GTPBP1: variants seen among roughly 807,000 people sequenced by gnomAD.
GTPBP1 encodes the protein GTP binding protein 1.
Under a neutral mutation model 62.0 loss-of-function variants are expected in GTPBP1, and 23 were observed. The observed-to-expected ratio is 0.37, with a 90% CI of 0.27 to 0.53. The LOEUF (loss-of-function observed/expected upper bound fraction) is 0.53, where lower values mean the gene tolerates loss of function less well. Ranked by LOEUF, GTPBP1 falls within the 20% of genes least tolerant of loss-of-function variation. The pLI is 0.89. For missense variants in GTPBP1, 640 were observed against 917.3 expected (o/e 0.70, Z 3.90); for synonymous variants, 344 against 364.4 (o/e 0.94, Z 0.64).
chr22:38,724,252 G>C, intron 5 of GTPBP1, 45 bp from the exon 6 acceptor site: 1 of 1,158,520 alleles, frequency 8.6e-7, no homozygotes, highest in African/African-American at 1.5e-5. Flanking sequence ...CCTGGCCAAA[G>C]AGAAGGCTGT....
downstream of GTPBP1, chr22:38,740,980 C>T: frequency 1.3e-6 from 2 of 1,578,564 alleles, no homozygotes; most frequent in Non-Finnish European, 1.7e-6. This position sits in a 1 kb window ranked among gnomAD's most constrained non-coding sequence, Gnocchi z 4.8. Context: ...GAGGAGCAGG[C>T]CGAGGCCAGC....
Position 38,716,815 on chromosome 22 carries a change from G to T in GTPBP1, c.649G>T (p.Gly217Cys). 6.2e-7 allele frequency: 1 copy of T among 1,614,204 alleles called. No individual in the cohort carries two copies. The highest frequency in any genetic ancestry group is 8.5e-7 in the Non-Finnish European group (1 of 1,180,038). Residue 217 changes from glycine (G) to cysteine (C), a missense_variant, in exon 4 of 12, where the codon GGC becomes TGC. Physicochemically the swap from Gly to Cys is radical, Grantham distance 159 (BLOSUM62 -3). Around this residue, in one of 4 missense-constraint regions of GTPBP1, gnomAD observed 88 missense variants for 217.0 expected, o/e 0.41. Transcript: ENST00000216044. This position sits in a 1 kb window ranked among gnomAD's most constrained non-coding sequence, Gnocchi z 5.2. ...CAGCAGTGTGGGCAACGACATTCTG[G>T]GCTTTGACAGTGAAGGCAATGTAGT... is the stretch of plus-strand genomic sequence containing the variant. ...RTSSVGNDIL[G>C]FDSEGNVVNK...
Position 38,723,516 on chromosome 22 carries a change from G to A in GTPBP1, c.959-781G>A, listed in dbSNP as rs746682453. On this transcript the variant is annotated intron_variant, in intron 5 of 11. Coordinates refer to ENST00000216044, the MANE Select transcript of GTPBP1 (RefSeq NM_004286.5). ...ACAGCAGCTACCATCTTCAGTGCACGCGGGCGAAACTTCCTTTGTCTTGTA... is the reference window on the plus strand; with the variant it reads ...ACAGCAGCTACCATCTTCAGTGCACACGGGCGAAACTTCCTTTGTCTTGTA... 8.0e-5 allele frequency: 54 copies of A among 672,728 alleles called. 1 individual carries two copies. The highest frequency in any genetic ancestry group is 4.5e-4 in the South Asian group (26 of 57,780). 41.7% of individuals were successfully genotyped at this position (672,728 alleles called of 1,614,324 possible).
At chr22:38,733,985 G>A (rs539575872), downstream of GTPBP1, among the ~76,000 whole-genome samples, 1 of 152,336 alleles carries the variant, frequency 6.6e-6, no homozygotes, top group African/African-American at 2.4e-5. Context: ...CAGAGGCAGA[G>A]CAGGTGTCAG....
intron 5 of GTPBP1, chr22:38,722,622 A>G (rs2092706285): frequency 2.3e-6 from 3 of 1,296,072 alleles, no homozygotes; most frequent in African/African-American, 1.5e-5. Context: ...AGTAATATTT[A>G]TGAGTACAAG....
downstream of GTPBP1, chr22:38,738,755 C>T: frequency 6.2e-7 from 1 of 1,612,938 alleles, no homozygotes; most frequent in Non-Finnish European, 8.5e-7. The surrounding 1 kb of genome is among the most constrained non-coding windows in gnomAD (Gnocchi z 6.6). Context: ...GCACATCTGG[C>T]TGGAGGAGCA....
downstream of GTPBP1, among the ~76,000 whole-genome samples, chr22:38,736,956 A>T (rs1421199997): frequency 6.6e-6 from 1 of 152,056 alleles, no homozygotes; most frequent in Non-Finnish European, 1.5e-5. Context: ...GGATCCTCCC[A>T]CCTTAGCCTC....
rs1569287384 is a variant in GTPBP1 at position 38,731,015 on chromosome 22, TGTGTGTGTG to T, written c.*312_*320del. On this transcript the variant is annotated 3_prime_UTR_variant, in exon 12 of 12. Transcript: ENST00000216044. The stretch of plus-strand genomic sequence containing the variant: ...TATGTCTCTGTCTCTCTCTATTGTG[TGTGTGTGTG>T]TGTGTGTGTGTGTGTGTGTGTGTGT... 2 of 197,524 alleles carry T rather than the reference TGTGTGTGTG, an allele frequency of 1.0e-5. No homozygotes were observed. The highest frequency in any genetic ancestry group is 7.4e-5 in the African/African-American group (2 of 26,876). 12.2% of individuals were successfully genotyped at this position (197,524 alleles called of 1,614,324 possible).
At chr22:38,738,018 T>TA (rs1488569103), downstream of GTPBP1, 9 of 751,934 alleles carry the variant, frequency 1.2e-5, no homozygotes, top group Admixed American at 1.8e-4. The surrounding 1 kb of genome is among the most constrained non-coding windows in gnomAD (Gnocchi z 6.6). Flanking sequence ...GGATGCGTGT[T>TA]ACACCCCATT....
intron 4 of GTPBP1, among the ~76,000 whole-genome samples, chr22:38,717,570 C>T (rs1186668380): frequency 6.6e-6 from 1 of 152,204 alleles, no homozygotes; most frequent in African/African-American, 2.4e-5. Context: ...TGTCCAGAGG[C>T]TCCCAAAAAG....
chr22:38,737,751 G>C, downstream of GTPBP1: 1 of 374,624 alleles, frequency 2.7e-6, no homozygotes, highest in South Asian at 2.0e-5. This position sits in a 1 kb window ranked among gnomAD's most constrained non-coding sequence, Gnocchi z 4.1. Context: ...CTGGGAATCT[G>C]CATTTCTAAC....
At chr22:38,723,391 C>T (rs1603192058) in intron 5 of GTPBP1, 16 of 907,452 alleles carry the variant, frequency 1.8e-5, no homozygotes, top group East Asian at 7.7e-5. Flanking sequence ...TTGTCAAGCT[C>T]GTTCTTCCAG....
At chr22:38,740,272 C>A, downstream of GTPBP1, 1 of 1,587,604 alleles carries the variant, frequency 6.3e-7, no homozygotes. The surrounding 1 kb of genome is among the most constrained non-coding windows in gnomAD (Gnocchi z 4.8). Context: ...CTCACGTCGT[C>A]CCGCACGGCC....
downstream of GTPBP1, chr22:38,738,216 G>A (rs755259603): frequency 1.5e-5 from 25 of 1,613,888 alleles, no homozygotes; most frequent in East Asian, 5.3e-4. This position sits in a 1 kb window ranked among gnomAD's most constrained non-coding sequence, Gnocchi z 6.6. Context: ...CTGATCGTAA[G>A]TGAACTTGCC....
downstream of GTPBP1, chr22:38,742,776 A>T (rs920073280): frequency 1.4e-5 from 8 of 580,380 alleles, no homozygotes; most frequent in Non-Finnish European, 2.4e-5. Flanking sequence ...GCCACAGAGG[A>T]AGGTCCCTGA....
chr22:38,742,444 C>G (rs566953413), downstream of GTPBP1: 1 of 1,613,622 alleles, frequency 6.2e-7, no homozygotes, highest in East Asian at 2.2e-5. Context: ...TGCCGCAGCT[C>G]CAGACGTTCC....
intron 5 of GTPBP1, chr22:38,722,753 C>G: frequency 6.2e-7 from 1 of 1,603,246 alleles, no homozygotes; most frequent in Non-Finnish European, 8.5e-7. Context: ...ACTGATTTAC[C>G]TTCTGAAAGT....
At position 38,725,712 on chromosome 22, in the gene GTPBP1, G is replaced by A. The variant is rs1161303444; in HGVS notation, c.1074-294G>A. 15 of 384,508 alleles carry A rather than the reference G, an allele frequency of 3.9e-5. No individual in the cohort carries two copies. In the East Asian group the frequency reaches 5.7e-4, roughly 15 times the overall value. The allele number at this position is 384,508 out of a possible 1,614,324, so 23.8% of individuals were successfully genotyped here. A position where few individuals can be genotyped will look rare whatever the true frequency, so the allele number is the denominator to read the frequency against. ...TTAAGCAAGCATGCGTGTGTTTTAG[G>A]AAGAAGCAGTCATGAGGTTCCAAAC... On this transcript the variant is annotated intron_variant, in intron 6 of 11. Coordinates refer to ENST00000216044, the MANE Select transcript of GTPBP1 (RefSeq NM_004286.5).
At chr22:38,722,310 A>G (rs952894770) in intron 5 of GTPBP1, among the ~76,000 whole-genome samples, 4 of 152,260 alleles carry the variant, frequency 2.6e-5, no homozygotes, top group African/African-American at 4.8e-5. Context: ...ACTGCTGATA[A>G]CAATTGAAAG....
Sources: allele counts gnomAD v4.1 joint callset (sites outside exome capture counted in the v4.1 genomes callset), GRCh38; gene constraint gnomAD v4.1.1; regional missense constraint gnomAD v4.1.1; non-coding constraint Gnocchi (gnomAD v3.1); transcripts MANE v1.5; gene names NCBI Gene and HGNC (gene_info 2026-07-23, HGNC 2026-07-21).